Variants in TRHDE observed in about 807,000 individuals in gnomAD.
TRHDE encodes thyrotropin releasing hormone degrading enzyme, also known as thyrotropin-releasing hormone-degrading ectoenzyme.
TRHDE carries 72 observed loss-of-function variants against 125.7 expected under a neutral mutation model. That is an observed-to-expected ratio of 0.57 (90% CI 0.47 to 0.70). The LOEUF is 0.70. Among genes scored for constraint, TRHDE ranks in the 30% least tolerant of loss-of-function variants. The pLI is 0.00. For missense variants in TRHDE, 1,110 were observed against 1,327.1 expected (o/e 0.84, Z 2.54); for synonymous variants, 509 against 509.1 (o/e 1.00, Z 0.00).
At chr12:72,591,635 T>TTTTTTTTTG (rs1555200402) in intron 12 of TRHDE, among the ~76,000 whole-genome samples, 1 of 145,828 alleles carries the variant, frequency 6.9e-6, no homozygotes, top group African/African-American at 2.7e-5. Context: ...GATATGGGTT[T>TTTTTTTTTG]TTTTTTTTTT....
chr12:72,618,565 A>G (rs145386616), intron 12 of TRHDE, among the ~76,000 whole-genome samples: 22 of 152,236 alleles, frequency 1.4e-4, no homozygotes, highest in African/African-American at 5.3e-4. Context: ...AATTATTTTC[A>G]ATTGCTTGTT....
At chr12:72,490,992 C>CAAAAA (rs71438815) in intron 5 of TRHDE, among the ~76,000 whole-genome samples, 1 of 119,358 alleles carries the variant, frequency 8.4e-6, no homozygotes, top group Non-Finnish European at 1.9e-5. Flanking sequence ...GCCACAAAAC[C>CAAAAA]AAAAAAAAAA....
intron 15 of TRHDE, among the ~76,000 whole-genome samples, chr12:72,626,851 T>G (rs1250542031): frequency 6.6e-6 from 1 of 151,688 alleles, no homozygotes; most frequent in Non-Finnish European, 1.5e-5. Context: ...AGAAACCTCA[T>G]GTTTTCTTTC....
At chr12:72,318,420 A>T (rs1396568002) in intron 2 of TRHDE, among the ~76,000 whole-genome samples, 2 of 152,168 alleles carry the variant, frequency 1.3e-5, no homozygotes, top group African/African-American at 4.8e-5. Flanking sequence ...GATGTGCGAT[A>T]TTTTTGTGAT....
intron 3 of TRHDE, among the ~76,000 whole-genome samples, chr12:72,444,556 C>T (rs776682654): frequency 3.5e-4 from 53 of 151,650 alleles, no homozygotes; most frequent in Non-Finnish European, 5.9e-4. Flanking sequence ...GTTTATTATT[C>T]TAATGGCAAA....
chr12:72,547,077 C>T (rs1275650540), intron 7 of TRHDE, among the ~76,000 whole-genome samples: 2 of 149,800 alleles, frequency 1.3e-5, no homozygotes, highest in African/African-American at 4.9e-5. Context: ...TGGTGAATGG[C>T]TAACCGTCTG....
intron 12 of TRHDE, chr12:72,582,240 GA>G (rs1179092009): frequency 3.1e-6 from 3 of 981,424 alleles, no homozygotes; most frequent in Non-Finnish European, 3.6e-6. Context: ...ATACATTTGA[GA>G]TATATTAGAA....
At chr12:72,171,401 G>T (rs1876871173) in intron 2 of TRHDE, among the ~76,000 whole-genome samples, 1 of 152,156 alleles carries the variant, frequency 6.6e-6, no homozygotes, top group African/African-American at 2.4e-5. Context: ...AAATTATTTG[G>T]ATGATTATCT....
chr12:72,500,582 G>A (rs1878107181), intron 6 of TRHDE, among the ~76,000 whole-genome samples: 1 of 151,970 alleles, frequency 6.6e-6, no homozygotes, highest in African/African-American at 2.4e-5. Context: ...AGTAGAGACA[G>A]GGTTTCACCA....
intron 7 of TRHDE, among the ~76,000 whole-genome samples, chr12:72,555,331 G>A (rs1869868754): frequency 6.6e-6 from 1 of 151,990 alleles, no homozygotes; most frequent in Non-Finnish European, 1.5e-5. Flanking sequence ...CTCTCCAATA[G>A]CTTTCTTTCC....
At chr12:72,236,084 TTCA>T (rs1203152200) in intron 2 of TRHDE, among the ~76,000 whole-genome samples, 1 of 152,194 alleles carries the variant, frequency 6.6e-6, no homozygotes, top group Non-Finnish European at 1.5e-5. Context: ...AAAATTAATG[TTCA>T]TCATTTTTAC....
intron 1 of TRHDE, among the ~76,000 whole-genome samples, chr12:72,098,223 T>C (rs1276335507): frequency 6.6e-6 from 1 of 152,134 alleles, no homozygotes; most frequent in Non-Finnish European, 1.5e-5. Context: ...GGTTGACTGT[T>C]TAAAAATTAA....
At chr12:72,475,486 T>C (rs1421968516) in intron 5 of TRHDE, among the ~76,000 whole-genome samples, 1 of 152,162 alleles carries the variant, frequency 6.6e-6, no homozygotes, top group African/African-American at 2.4e-5. Context: ...GTGACAGCTT[T>C]TGATTGTTTT....
intron 10 of TRHDE, 23 bp from the exon 11 acceptor site, chr12:72,575,232 T>C (rs774865194): frequency 1.2e-5 from 20 of 1,609,034 alleles, no homozygotes; most frequent in Non-Finnish European, 1.7e-5. Flanking sequence ...GTTTGAAATC[T>C]ATCCCAAAAA....
intron 2 of TRHDE, among the ~76,000 whole-genome samples, chr12:72,365,090 T>C (rs1484334586): frequency 1.3e-5 from 2 of 152,136 alleles, no homozygotes; most frequent in Non-Finnish European, 2.9e-5. Context: ...GACTTATCTG[T>C]TACTGCTTAT....
intron 12 of TRHDE, among the ~76,000 whole-genome samples, chr12:72,581,964 A>T (rs1020488802): frequency 6.6e-6 from 1 of 151,808 alleles, no homozygotes; most frequent in Non-Finnish European, 1.5e-5. Context: ...TAGCCGGGCA[A>T]GGTGGCAGGC....
intron 2 of TRHDE, among the ~76,000 whole-genome samples, chr12:72,348,651 G>T (rs921316208): frequency 6.6e-6 from 1 of 151,776 alleles, no homozygotes; most frequent in Non-Finnish European, 1.5e-5. Flanking sequence ...ACAAAAGCTT[G>T]GAATGCTTCA....
intron 2 of TRHDE, among the ~76,000 whole-genome samples, chr12:72,136,441 C>A (rs562285527): frequency 6.6e-6 from 1 of 152,106 alleles, no homozygotes; most frequent in Non-Finnish European, 1.5e-5. Flanking sequence ...TCCAAAGTAA[C>A]GGGGAATTTA....
chr12:72,585,175 T>G (rs2136041203), intron 12 of TRHDE, among the ~76,000 whole-genome samples: 3 of 152,324 alleles, frequency 2.0e-5, no homozygotes, highest in East Asian at 3.9e-4. Flanking sequence ...TTTCTTCATA[T>G]CATTTTTAAT....
Sources: allele counts gnomAD v4.1 joint callset (sites outside exome capture counted in the v4.1 genomes callset), GRCh38; gene constraint gnomAD v4.1.1; transcripts MANE v1.5; gene names NCBI Gene and HGNC (gene_info 2026-07-23, HGNC 2026-07-21).